The following DLG2 variants were observed in gnomAD, a reference collection of about 807,000 sequenced individuals.
DLG2 encodes the protein discs large MAGUK scaffold protein 2.
Under a neutral mutation model 132.5 loss-of-function variants are expected in DLG2, and 45 were observed. The ratio of observed to expected loss-of-function variants is 0.34; its 90% CI spans 0.27 to 0.44. DLG2 has a LOEUF of 0.44. Ranked by LOEUF, DLG2 falls within the 20% of genes least tolerant of loss-of-function variation. DLG2 has a pLI of 1.00. For missense variants in DLG2, 1,045 were observed against 1,196.9 expected, an observed-to-expected ratio of 0.87 and a Z score of 1.87; for synonymous variants, 424 against 419.6, an observed-to-expected ratio of 1.01 and a Z score of -0.13.
intron 15 of DLG2, among the ~76,000 whole-genome samples, 180 bp downstream of exon 15, chr11:83,930,148 A>C (rs2079866893): frequency 6.6e-6 from 1 of 152,198 alleles, no homozygotes; most frequent in Non-Finnish European, 1.5e-5. Context: ...AGGGAATAAA[A>C]CAAAACAAAA....
intron 4 of DLG2, among the ~76,000 whole-genome samples, chr11:85,217,619 T>C (rs1387821253): frequency 6.6e-6 from 1 of 152,176 alleles, no homozygotes; most frequent in Non-Finnish European, 1.5e-5. Flanking sequence ...TCACCTGAAT[T>C]ATCCCAGCTT....
intron 9 of DLG2, among the ~76,000 whole-genome samples, chr11:84,115,619 C>G (rs1187759182): frequency 6.6e-6 from 1 of 152,180 alleles, no homozygotes; most frequent in Non-Finnish European, 1.5e-5. Flanking sequence ...TTATTTCTAT[C>G]TTGGAGACTT....
intron 4 of DLG2, among the ~76,000 whole-genome samples, chr11:85,265,210 A>G (rs2077144846): frequency 6.6e-6 from 1 of 152,188 alleles, no homozygotes; most frequent in South Asian, 2.1e-4. Flanking sequence ...TACAGACTGA[A>G]TATCTGCATG....
chr11:83,480,127 CAACT>C (rs1188539276), intron 22 of DLG2, among the ~76,000 whole-genome samples: 1 of 152,054 alleles, frequency 6.6e-6, no homozygotes, highest in African/African-American at 2.4e-5. Flanking sequence ...GAGTCACAAC[CAACT>C]GAGGTTGGAA....
At chr11:83,890,594 T>A (rs1285238888) in intron 15 of DLG2, among the ~76,000 whole-genome samples, 4 of 152,198 alleles carry the variant, frequency 2.6e-5, no homozygotes, top group Non-Finnish European at 5.9e-5. Flanking sequence ...TTCTTGACAA[T>A]CTCAAAACTG....
intron 3 of DLG2, among the ~76,000 whole-genome samples, chr11:85,350,287 C>T (rs900915782): frequency 6.6e-6 from 1 of 151,952 alleles, no homozygotes; most frequent in Non-Finnish European, 1.5e-5. Context: ...TGTTTAAGTT[C>T]TTTGTAGATT....
chr11:84,203,933 A>C (rs2051474), intron 8 of DLG2, among the ~76,000 whole-genome samples: 117,289 of 152,046 alleles, frequency 0.77, 47,480 homozygotes, highest in Middle Eastern at 0.94. Context: ...CCCTGAACTT[A>C]AAATAAAAGT....
chr11:85,509,097 C>A (rs2093999644), intron 3 of DLG2, among the ~76,000 whole-genome samples: 1 of 151,994 alleles, frequency 6.6e-6, no homozygotes, highest in Non-Finnish European at 1.5e-5. Flanking sequence ...GATTTTGAAG[C>A]TCATGATTTC....
chr11:84,873,900 C>A (rs1481722265), intron 6 of DLG2, among the ~76,000 whole-genome samples: 1 of 152,106 alleles, frequency 6.6e-6, no homozygotes, highest in Non-Finnish European at 1.5e-5. Context: ...AATGACAGTC[C>A]ACAAGATATG....
chr11:85,384,935 C>A lies in DLG2; in HGVS notation c.41-99570G>T, dbSNP rs1271084396. Among the ~76,000 whole-genome samples, 4 of 152,190 alleles carry A rather than the reference C, an allele frequency of 2.6e-5. No individual in the cohort carries two copies. In the East Asian group the frequency reaches 5.8e-4, roughly 22 times the overall value. ...ATTGAAGATTATAATATTTAGGTAA[C>A]TGCATTCTCATCAGGATTAAATGAG... On this transcript the variant is annotated intron_variant, in intron 3 of 27. Transcript: ENST00000376104.
chr11:85,529,358 A>C (rs144765545), intron 3 of DLG2, among the ~76,000 whole-genome samples: 2 of 152,190 alleles, frequency 1.3e-5, no homozygotes, highest in African/African-American at 4.8e-5. Context: ...TTGCTGCACC[A>C]TTATCCAGCC....
rs532489454 is a variant in DLG2 at position 85,375,374 on chromosome 11, C to G, written c.41-90009G>C. Among the ~76,000 whole-genome samples, 5 of 152,226 alleles carry G rather than the reference C, an allele frequency of 3.3e-5. No individual in the cohort carries two copies. In the East Asian group the frequency reaches 7.7e-4, roughly 24 times the overall value. On this transcript the variant is annotated intron_variant, in intron 3 of 27. Transcript: ENST00000376104. ...TTGCCTAATCAACCAGATCAAACAC[C>G]CGAATCTAAAACTGCTCTTTTTTCG...
At chr11:84,963,248 T>C (rs1388356325) in intron 6 of DLG2, among the ~76,000 whole-genome samples, 1 of 152,220 alleles carries the variant, frequency 6.6e-6, no homozygotes, top group Non-Finnish European at 1.5e-5. Context: ...ATGCCTATTA[T>C]TGGAAACTTC....
At chr11:85,492,997 T>A (rs950973789) in intron 3 of DLG2, among the ~76,000 whole-genome samples, 1 of 152,046 alleles carries the variant, frequency 6.6e-6, no homozygotes, top group African/African-American at 2.4e-5. Flanking sequence ...AGTATCATAC[T>A]CCAAGCTATA....
rs187825485 is a variant in DLG2 at position 83,582,253 on chromosome 11, C to A, written c.1941-40395G>T. Among the ~76,000 whole-genome samples the A allele has an allele frequency of 4.6e-5, 7 of 152,186 alleles. No homozygotes were observed. In the East Asian group the frequency reaches 1.4e-3, roughly 29 times the overall value. On this transcript the variant is annotated intron_variant, in intron 19 of 27. Transcript: ENST00000376104. ...TTATAGGCATGAGCCACCTCCCCGGCTGACTTTGGAATCTTTGCCATGGTG... is the reference window on the plus strand; with the variant it reads ...TTATAGGCATGAGCCACCTCCCCGGATGACTTTGGAATCTTTGCCATGGTG...
intron 8 of DLG2, among the ~76,000 whole-genome samples, chr11:84,166,677 T>C (rs2154265566): frequency 6.6e-6 from 1 of 152,250 alleles, no homozygotes; most frequent in South Asian, 2.1e-4. Flanking sequence ...AGTGGTTGCT[T>C]ACTGAGTGAT....
chr11:84,041,779 A>C (rs994592888), intron 11 of DLG2, among the ~76,000 whole-genome samples: 62 of 152,040 alleles, frequency 4.1e-4, no homozygotes, highest in African/African-American at 1.3e-3. Flanking sequence ...CTATGTCCCC[A>C]CCCAAATTCC....
At chr11:84,344,896 A>G (rs1232534182) in intron 7 of DLG2, among the ~76,000 whole-genome samples, 1 of 152,148 alleles carries the variant, frequency 6.6e-6, no homozygotes, top group Admixed American at 6.5e-5. Flanking sequence ...GGTTGGGGAC[A>G]ATTTGGATTA....
intron 6 of DLG2, among the ~76,000 whole-genome samples, chr11:84,700,073 T>C (rs1011769384): frequency 6.6e-6 from 1 of 151,692 alleles, no homozygotes; most frequent in Non-Finnish European, 1.5e-5. Context: ...CTCTTATATA[T>C]AATAGGTAGT....
Sources: allele counts gnomAD v4.1 joint callset (sites outside exome capture counted in the v4.1 genomes callset), GRCh38; gene constraint gnomAD v4.1.1; transcripts MANE v1.5; gene names NCBI Gene and HGNC (gene_info 2026-07-23, HGNC 2026-07-21).